Variants in ZNF385D observed in about 807,000 individuals in gnomAD.
The protein encoded by ZNF385D is zinc finger protein 659.
ZNF385D carries 15 observed loss-of-function variants against 35.8 expected under a neutral mutation model. The ratio of observed to expected loss-of-function variants is 0.42; its 90% CI spans 0.28 to 0.64. ZNF385D has a LOEUF of 0.64. Ranked by LOEUF, ZNF385D falls within the 30% of genes least tolerant of loss-of-function variation. ZNF385D has a pLI of 0.23. For missense variants in ZNF385D, 474 were observed against 494.6 expected (o/e 0.96, Z 0.39); for synonymous variants, 212 against 186.8 (o/e 1.13, Z -1.10).
intron 2 of ZNF385D, among the ~76,000 whole-genome samples, chr3:21,619,445 C>T (rs1041995906): frequency 6.6e-6 from 1 of 151,188 alleles, no homozygotes; most frequent in African/African-American, 2.4e-5. Flanking sequence ...TGTGTCTATG[C>T]ATGTAAGTAT....
At chr3:21,453,213 T>TGC (rs1702572482) in intron 4 of ZNF385D, among the ~76,000 whole-genome samples, 7 of 150,646 alleles carry the variant, frequency 4.6e-5, no homozygotes, top group Non-Finnish European at 7.4e-5. Context: ...ACACCGCATG[T>TGC]CATTCAAAAT....
chr3:21,583,771 T>C (rs993406935), intron 2 of ZNF385D, among the ~76,000 whole-genome samples: 2 of 150,806 alleles, frequency 1.3e-5, no homozygotes, highest in African/African-American at 2.4e-5. Flanking sequence ...TAAATTAATA[T>C]TTTCATTTAA....
intron 3 of ZNF385D, among the ~76,000 whole-genome samples, chr3:22,136,617 A>T (rs1373134846): frequency 6.6e-6 from 1 of 152,210 alleles, no homozygotes; most frequent in African/African-American, 2.4e-5. Context: ...ACATTTGATC[A>T]AAAAAGATAT....
chr3:22,114,319 G>A (rs1473438905), intron 3 of ZNF385D, among the ~76,000 whole-genome samples: 9 of 151,978 alleles, frequency 5.9e-5, no homozygotes, highest in East Asian at 1.9e-4. Flanking sequence ...AATGTGATAC[G>A]TAGAAAACTG....
chr3:22,145,338 G>C (rs1050724328), intron 3 of ZNF385D, among the ~76,000 whole-genome samples: 1 of 152,188 alleles, frequency 6.6e-6, no homozygotes, highest in African/African-American at 2.4e-5. Flanking sequence ...CAGAGGTTAA[G>C]AAACTAAAAT....
intron 3 of ZNF385D, among the ~76,000 whole-genome samples, chr3:22,067,146 A>C (rs191922619): frequency 2.0e-4 from 31 of 152,280 alleles, no homozygotes; most frequent in African/African-American, 7.0e-4. Context: ...GAGAATATGG[A>C]AAGAAAGATT....
intron 2 of ZNF385D, among the ~76,000 whole-genome samples, chr3:22,218,655 A>G (rs1056412914): frequency 7.9e-5 from 12 of 152,172 alleles, no homozygotes; most frequent in African/African-American, 2.6e-4. Flanking sequence ...GCTGGCCCAG[A>G]AGGTTCTTAA....
intron 3 of ZNF385D, among the ~76,000 whole-genome samples, chr3:21,871,102 C>T (rs1388562064): frequency 2.6e-5 from 4 of 152,168 alleles, no homozygotes; most frequent in African/African-American, 9.6e-5. Context: ...GACCTCATCT[C>T]TCAGTACAAC....
intron 3 of ZNF385D, among the ~76,000 whole-genome samples, chr3:22,148,492 A>G (rs1336756708): frequency 1.3e-5 from 2 of 152,212 alleles, no homozygotes; most frequent in East Asian, 1.9e-4. Context: ...CAGTTTAAAA[A>G]TAACTATCAA....
chr3:22,308,842 C>T (rs2125424279), intron 2 of ZNF385D, among the ~76,000 whole-genome samples: 1 of 152,082 alleles, frequency 6.6e-6, no homozygotes, highest in Non-Finnish European at 1.5e-5. Context: ...TGTAAGTTTC[C>T]AATTTTTTTC....
At chr3:22,118,227 C>A (rs929688779) in intron 3 of ZNF385D, among the ~76,000 whole-genome samples, 1 of 151,986 alleles carries the variant, frequency 6.6e-6, no homozygotes, top group Non-Finnish European at 1.5e-5. Context: ...CTAAAGTATG[C>A]CATTATTTCC....
chr3:21,610,025 A>G (rs2064619178), intron 2 of ZNF385D, among the ~76,000 whole-genome samples: 1 of 152,208 alleles, frequency 6.6e-6, no homozygotes, highest in African/African-American at 2.4e-5. Flanking sequence ...ACTTCTAAGC[A>G]AAACAGCGTG....
At chr3:22,030,679 C>G (rs1697946176) in intron 3 of ZNF385D, among the ~76,000 whole-genome samples, 1 of 151,996 alleles carries the variant, frequency 6.6e-6, no homozygotes, top group Non-Finnish European at 1.5e-5. Context: ...GACACAAAGC[C>G]AAACCATATC....
rs925404699 is a variant in ZNF385D at position 21,471,299 on chromosome 3, A to T, written c.440-34096T>A. ...TTCTCTCTCTCTCTCTCTCTCTCACACACACACACACACACACACACACAC... is the reference window on the plus strand; with the variant it reads ...TTCTCTCTCTCTCTCTCTCTCTCACTCACACACACACACACACACACACAC... On this transcript the variant is annotated intron_variant, in intron 4 of 7. Transcript: ENST00000281523. Among the ~76,000 whole-genome samples the T allele has an allele frequency of 3.7e-3, 116 of 31,278 alleles. 2 individuals carry two copies. Among genetic ancestry groups the T allele is most frequent in the African/African-American group, 0.011 (92 of 8,300 alleles). 20.5% of individuals were successfully genotyped at this position (31,278 alleles called of 152,430 possible).
chr3:22,045,103 T>C (rs531637576), intron 3 of ZNF385D, among the ~76,000 whole-genome samples: 18 of 152,200 alleles, frequency 1.2e-4, no homozygotes, highest in Middle Eastern at 3.4e-3. Flanking sequence ...CGGATCCCTA[T>C]TGCTTTTGGA....
chr3:22,222,206 T>C (rs1395519369), intron 2 of ZNF385D, among the ~76,000 whole-genome samples: 1 of 151,976 alleles, frequency 6.6e-6, no homozygotes, highest in African/African-American at 2.4e-5. Flanking sequence ...TGTCCTCAAA[T>C]GATCCACTTG....
At chr3:21,534,051 C>T (rs1323446909) in intron 3 of ZNF385D, among the ~76,000 whole-genome samples, 2 of 151,922 alleles carry the variant, frequency 1.3e-5, no homozygotes, top group East Asian at 1.9e-4. Flanking sequence ...CTTACAATAC[C>T]CTTCTTTAAT....
chr3:22,029,787 G>A (rs916168650), intron 3 of ZNF385D, among the ~76,000 whole-genome samples: 16 of 152,028 alleles, frequency 1.1e-4, no homozygotes, highest in African/African-American at 2.7e-4. Flanking sequence ...TATGTTAGGC[G>A]TAATTATGAC....
At chr3:21,742,175 C>T (rs1387152590) in intron 1 of ZNF385D, among the ~76,000 whole-genome samples, 1 of 152,200 alleles carries the variant, frequency 6.6e-6, no homozygotes, top group African/African-American at 2.4e-5. Context: ...CATTACACTT[C>T]ACTGTCAGAC....
Sources: allele counts gnomAD v4.1 joint callset (sites outside exome capture counted in the v4.1 genomes callset), GRCh38; gene constraint gnomAD v4.1.1; transcripts MANE v1.5; gene names NCBI Gene and HGNC (gene_info 2026-07-23, HGNC 2026-07-21).